The following RECQL variants were observed in gnomAD, a reference collection of about 807,000 sequenced individuals.
The protein encoded by RECQL is ATP-dependent DNA helicase Q1.
RECQL carries 73 observed loss-of-function variants against 75.8 expected under a neutral mutation model. The ratio of observed to expected loss-of-function variants is 0.96; its 90% confidence interval spans 0.80 to 1.17. The LOEUF (loss-of-function observed/expected upper bound fraction) is 1.17. Ranked by LOEUF, RECQL falls within the 50% of genes most tolerant of loss-of-function variation. The pLI, the probability that RECQL is intolerant of heterozygous loss-of-function variation, is 0.00. For missense variants in RECQL, 699 were observed against 772.1 expected, an observed-to-expected ratio of 0.91 and a Z score of 1.12; for synonymous variants, 248 against 254.4, an observed-to-expected ratio of 0.97 and a Z score of 0.24.
At chr12:21,494,298 G>C (rs1311685125) in intron 2 of RECQL, among the ~76,000 whole-genome samples, 3 of 152,180 alleles carry the variant, frequency 2.0e-5, no homozygotes, top group Non-Finnish European at 4.4e-5. Flanking sequence ...AACACTGGAG[G>C]TCACATTTCA....
At chr12:21,495,584 G>A (rs972802048) in intron 2 of RECQL, among the ~76,000 whole-genome samples, 1 of 151,754 alleles carries the variant, frequency 6.6e-6, no homozygotes, top group Non-Finnish European at 1.5e-5. Context: ...GACAGAGTGA[G>A]ACTCCGTCCA....
At chr12:21,483,654 T>G in intron 5 of RECQL, 80 bp from the exon 6 acceptor site, 2 of 1,025,984 alleles carry the variant, frequency 1.9e-6, no homozygotes, top group Non-Finnish European at 2.8e-6. Context: ...ATGAAAACGT[T>G]CATTTCTCCA....
At chr12:21,498,904 T>G (rs1454507086) in intron 2 of RECQL, among the ~76,000 whole-genome samples, 4 of 152,354 alleles carry the variant, frequency 2.6e-5, no homozygotes, top group African/African-American at 9.6e-5. Flanking sequence ...CTATAAGTCT[T>G]TCTTGCTTTT....
chr12:21,486,616 AAACTT>A, intron 4 of RECQL, 31 bp from the exon 5 acceptor site: 1 of 1,410,284 alleles, frequency 7.1e-7, no homozygotes, highest in South Asian at 1.3e-5. Context: ...AATCTACCTT[AAACTT>A]TACACCACCC....
At chr12:21,479,220 TC>T (rs1366171223) in intron 6 of RECQL, among the ~76,000 whole-genome samples, 2 of 152,234 alleles carry the variant, frequency 1.3e-5, no homozygotes, top group African/African-American at 4.8e-5. Context: ...TCATCGTGAC[TC>T]TGCTTCTCTG....
In RECQL at chr12:21,477,116, C is replaced by T. The variant is rs1022597475; in HGVS notation, c.868-124G>A. On this transcript the variant is annotated intron_variant, in intron 7 of 14. Transcript: ENST00000444129. The stretch of plus-strand genomic sequence containing the variant: ...TGTTTTTTTTCCTATTACTCTTTCA[C>T]TTACTCACAGGATTCAACCCATCTG... The T allele has an allele frequency of 2.4e-5, 14 of 583,710 alleles. No homozygotes were observed. In the African/African-American group the frequency reaches 2.5e-4, roughly 10 times the overall value. 36.2% of individuals were successfully genotyped at this position (583,710 alleles called of 1,614,324 possible). A position where few individuals can be genotyped will look rare whatever the true frequency, so the allele number is the denominator to read the frequency against.
Position 21,473,635 on chromosome 12 carries a change from G to A in RECQL, c.1363C>T (p.Arg455Cys), listed in dbSNP as rs199740132. ...TCAAAATGTTGAGCCATCAACACAC[G>A]ACGACATCTGCAAACACATTTAAAG... ...SYCQNISKCR[R>C]VLMAQHFDEV... Residue 455 changes from arginine to cysteine, a missense_variant, in exon 12 of 15, where the codon CGT (arginine) becomes TGT (cysteine). By Grantham distance (180) the Arg-to-Cys change is radical. Coordinates refer to ENST00000444129, the MANE Select transcript of RECQL (RefSeq NM_002907.4). 61 of 1,611,342 alleles carry A rather than the reference G, an allele frequency of 3.8e-5. No homozygotes were observed. The highest frequency in any genetic ancestry group is 4.5e-5 in the Non-Finnish European group (53 of 1,178,290).
At chr12:21,475,310 A>T (rs995782948) in intron 10 of RECQL, among the ~76,000 whole-genome samples, 158 bp downstream of exon 10, 3 of 152,046 alleles carry the variant, frequency 2.0e-5, no homozygotes, top group Non-Finnish European at 4.4e-5. Flanking sequence ...CATAAGTAAA[A>T]ATTTCTCCAT....
intron 2 of RECQL, among the ~76,000 whole-genome samples, chr12:21,498,978 C>A (rs1331978116): frequency 6.6e-6 from 1 of 152,110 alleles, no homozygotes; most frequent in African/African-American, 2.4e-5. Flanking sequence ...CGATACATTA[C>A]AGTATTACCA....
At chr12:21,491,867 T>C (rs893186441) in intron 2 of RECQL, 151 bp from the exon 3 acceptor site, 7 of 694,960 alleles carry the variant, frequency 1.0e-5, no homozygotes, top group South Asian at 4.3e-5. Context: ...TTGAGTCATA[T>C]AGACCTAAGT....
At chr12:21,483,811 C>T (rs1943239638) in intron 5 of RECQL, among the ~76,000 whole-genome samples, 1 of 152,026 alleles carries the variant, frequency 6.6e-6, no homozygotes, top group African/African-American at 2.4e-5. Context: ...CTAAAAAAAA[C>T]TCACTTGACA....
intron 2 of RECQL, among the ~76,000 whole-genome samples, chr12:21,497,657 G>A (rs1943533115): frequency 6.6e-6 from 1 of 152,222 alleles, no homozygotes; most frequent in African/African-American, 2.4e-5. Context: ...TGTGTCCAAT[G>A]TGAATGCTCA....
intron 2 of RECQL, 131 bp from the exon 3 acceptor site, chr12:21,491,847 G>A: frequency 1.2e-6 from 1 of 822,496 alleles, no homozygotes; most frequent in Non-Finnish European, 1.8e-6. Context: ...GAATGGTTAT[G>A]AGCATGTTTT....
Position 21,475,472 on chromosome 12 carries a change from A to C in RECQL, c.1212T>G (p.Arg404=). 1 of 1,598,374 alleles carries C rather than the reference A, an allele frequency of 6.3e-7. No homozygotes were observed. Among genetic ancestry groups the C allele is most frequent in the Non-Finnish European group, 8.6e-7 (1 of 1,167,490 alleles). Reference sequence around the variant, plus strand: ...CTGGATTTGAGTCCTACATACCTGCACGTCCACTCTCTTGGTAATAATTTT... The same window carrying C: ...CTGGATTTGAGTCCTACATACCTGCCCGTCCACTCTCTTGGTAATAATTTT... ...SMENYYQESG[R]AGRDDMKADC... is the part of the protein sequence containing the mutation. The change falls in exon 10 of 15, where the codon CGT becomes CGG. Residue 404 remains arginine, a synonymous_variant. Coordinates refer to ENST00000444129, the MANE Select transcript of RECQL (RefSeq NM_002907.4).
rs139252119 is a variant in RECQL, at chr12:21,491,702, G to A, written c.31C>T (p.Leu11=). Reference sequence around the variant, plus strand: ...TGTAGCTCACTGGTTATAGAATCCAGTTCCTCAGTTAGAGCTATGGGAGGC... The same window carrying A: ...TGTAGCTCACTGGTTATAGAATCCAATTCCTCAGTTAGAGCTATGGGAGGC... The part of the protein sequence containing the change: MASVSALTEE[L]DSITSELHAV... The change falls in exon 3 of 15, where the codon CTG becomes TTG. Residue 11 remains leucine (L), a synonymous_variant. Transcript: ENST00000444129. 6.2e-6 allele frequency: 10 copies of A among 1,611,670 alleles called. No homozygotes were observed. The highest frequency in any genetic ancestry group is 8.5e-6 in the Non-Finnish European group (10 of 1,179,204).
Position 21,499,567 on chromosome 12 carries a change from C to T in RECQL, c.4G>A (p.Ala2Thr), listed in dbSNP as rs775618773. Reference protein sequence around the residue: MASVSALTEELD... With the variant: MTSVSALTEELD... ...CATTGCTACTAACCTGAAACGGACGCCATTCTTTTTCTTTCCAAATTTGTT... is the reference window on the plus strand; with the variant it reads ...CATTGCTACTAACCTGAAACGGACGTCATTCTTTTTCTTTCCAAATTTGTT... Residue 2 changes from alanine (A) to threonine (T), a missense_variant, in exon 2 of 15, where the codon GCG becomes ACG. Physicochemically the swap from Ala to Thr is moderately conservative, Grantham distance 58. This residue lies in a region of RECQL where 669 missense variants were observed against 713.5 expected (regional missense o/e 0.94). Transcript: ENST00000444129. 3.1e-6 allele frequency: 5 copies of T among 1,593,434 alleles called. No homozygotes were observed. The East Asian group carries it at 9.1e-5, about 29-fold the overall frequency.
At chr12:21,491,281 A>G (rs947175139) in intron 3 of RECQL, among the ~76,000 whole-genome samples, 7 of 152,154 alleles carry the variant, frequency 4.6e-5, no homozygotes, top group African/African-American at 1.7e-4. Context: ...TTTTCTAAAC[A>G]TGATCAATGT....
intron 12 of RECQL, among the ~76,000 whole-genome samples, chr12:21,472,657 T>C (rs1322436764): frequency 6.6e-6 from 1 of 152,120 alleles, no homozygotes; most frequent in African/African-American, 2.4e-5. Context: ...TAGTTCTAAC[T>C]TGTTTGGGCC....
chr12:21,478,033 T>C lies in RECQL; in HGVS notation c.701-64A>G. The C allele has an allele frequency of 2.7e-6, 4 of 1,467,570 alleles. No homozygotes were observed. The South Asian group carries it at 4.0e-5, about 15-fold the overall frequency. 90.9% of individuals were successfully genotyped at this position (1,467,570 alleles called of 1,614,324 possible). On this transcript the variant is annotated intron_variant, in intron 6 of 14. Transcript: ENST00000444129. ...AAGAGTTAGAGTAAATTATATCTTT[T>C]AACATTATGCAGATAATCGATGACT...
Sources: allele counts gnomAD v4.1 joint callset (sites outside exome capture counted in the v4.1 genomes callset), GRCh38; gene constraint gnomAD v4.1.1; regional missense constraint gnomAD v4.1.1; transcripts MANE v1.5; gene names NCBI Gene and HGNC (gene_info 2026-07-23, HGNC 2026-07-21).